GALNTL6: variants seen among roughly 807,000 people sequenced by gnomAD.
GALNTL6 encodes the protein polypeptide N-acetylgalactosaminyltransferase like 6.
GALNTL6 carries 46 observed loss-of-function variants against 73.7 expected under a neutral mutation model. The observed-to-expected ratio is 0.62, with a 90% confidence interval of 0.49 to 0.80. GALNTL6 has a LOEUF of 0.80. Ranked by LOEUF, GALNTL6 falls within the 30% of genes least tolerant of loss-of-function variation. The pLI is 0.00. For synonymous variants in GALNTL6, 259 were observed against 263.7 expected (o/e 0.98, Z 0.17); for missense variants, 604 against 755.0 (o/e 0.80, Z 2.34).
At chr4:172,560,086 G>C (rs1375757395) in intron 5 of GALNTL6, among the ~76,000 whole-genome samples, 1 of 152,124 alleles carries the variant, frequency 6.6e-6, no homozygotes, top group Non-Finnish European at 1.5e-5. Context: ...AGAGAGTGAA[G>C]ATGAAGTCAT....
chr4:172,090,357 C>T (rs1732167208), intron 2 of GALNTL6, among the ~76,000 whole-genome samples: 1 of 152,202 alleles, frequency 6.6e-6, no homozygotes, highest in South Asian at 2.1e-4. Flanking sequence ...TCCTCTCCAG[C>T]ATCTGTTGTT....
chr4:172,810,093 C>T (rs1741204985), intron 6 of GALNTL6, among the ~76,000 whole-genome samples: 3 of 148,652 alleles, frequency 2.0e-5, no homozygotes, highest in South Asian at 4.1e-4. Flanking sequence ...CTTCTGGCAC[C>T]ATCCTATAGC....
chr4:172,602,263 G>T (rs1244844889), intron 5 of GALNTL6, among the ~76,000 whole-genome samples: 1 of 152,080 alleles, frequency 6.6e-6, no homozygotes, highest in Non-Finnish European at 1.5e-5. Flanking sequence ...TACATCTACA[G>T]AAAGAAGTGA....
intron 5 of GALNTL6, among the ~76,000 whole-genome samples, chr4:172,670,405 A>G (rs1041605760): frequency 6.6e-6 from 1 of 152,042 alleles, no homozygotes; most frequent in Non-Finnish European, 1.5e-5. Flanking sequence ...ATGATCAGTA[A>G]TATTGAATTT....
At chr4:172,555,291 C>A (rs1228272047) in intron 5 of GALNTL6, among the ~76,000 whole-genome samples, 1 of 152,092 alleles carries the variant, frequency 6.6e-6, no homozygotes, top group Non-Finnish European at 1.5e-5. Context: ...AATATAAAAT[C>A]TTGTATCTAT....
chr4:172,315,565 T>C (rs987579657), intron 4 of GALNTL6, among the ~76,000 whole-genome samples: 3 of 152,246 alleles, frequency 2.0e-5, no homozygotes, highest in African/African-American at 4.8e-5. Context: ...TTGATTTTTA[T>C]ATATTTTTTG....
intron 5 of GALNTL6, among the ~76,000 whole-genome samples, chr4:172,780,110 T>A (rs1481653302): frequency 6.8e-6 from 1 of 147,110 alleles, no homozygotes; most frequent in African/African-American, 2.6e-5. Flanking sequence ...TCAGGTTTAT[T>A]CTTGGCTTTT....
At chr4:171,916,734 T>G (rs1737643429) in intron 2 of GALNTL6, among the ~76,000 whole-genome samples, 1 of 152,110 alleles carries the variant, frequency 6.6e-6, no homozygotes. Context: ...AAAAGTTTCA[T>G]TTTTATTTTA....
intron 4 of GALNTL6, among the ~76,000 whole-genome samples, chr4:172,342,197 A>G (rs1408188213): frequency 6.6e-6 from 1 of 152,066 alleles, no homozygotes. Context: ...ACATCTCACA[A>G]AAACGTTTGA....
At chr4:172,702,349 A>T (rs988819402) in intron 5 of GALNTL6, among the ~76,000 whole-genome samples, 1 of 151,918 alleles carries the variant, frequency 6.6e-6, no homozygotes, top group Non-Finnish European at 1.5e-5. Flanking sequence ...TATCTCTCAC[A>T]TCTCTTCTCA....
At chr4:172,776,349 G>A (rs1249658693) in intron 5 of GALNTL6, among the ~76,000 whole-genome samples, 1 of 152,128 alleles carries the variant, frequency 6.6e-6, no homozygotes, top group Non-Finnish European at 1.5e-5. Context: ...GTTAATGTAT[G>A]CCAAAAATAG....
At position 172,976,257 on chromosome 4, in the gene GALNTL6, T is replaced by C. The variant is rs539512664; in HGVS notation, c.1371+23999T>C. ...ACTATGTAGCAATCTAAGTTAGTCA[T>C]TAAAAGATCAAAATAATCAGTCATT... On this transcript the variant is annotated intron_variant, in intron 10 of 12. Coordinates refer to ENST00000506823, the MANE Select transcript of GALNTL6 (RefSeq NM_001034845.3). 2.0e-5 allele frequency among the ~76,000 whole-genome samples: 3 copies of C among 152,330 alleles called. No individual in the cohort carries two copies. In the East Asian group the frequency reaches 5.8e-4, roughly 29 times the overall value.
intron 2 of GALNTL6, among the ~76,000 whole-genome samples, chr4:172,021,027 T>G (rs1741382027): frequency 6.6e-6 from 1 of 151,932 alleles, no homozygotes; most frequent in Admixed American, 6.6e-5. Context: ...GTGATACATA[T>G]CAACAGAATG....
chr4:172,139,662 C>T (rs1231980847), intron 2 of GALNTL6, among the ~76,000 whole-genome samples: 2 of 152,150 alleles, frequency 1.3e-5, no homozygotes, highest in Non-Finnish European at 2.9e-5. Context: ...TACTTTCTTC[C>T]AACATACTTG....
At chr4:172,883,590 G>C (rs1426182049) in intron 8 of GALNTL6, among the ~76,000 whole-genome samples, 2 of 152,158 alleles carry the variant, frequency 1.3e-5, no homozygotes, top group Non-Finnish European at 2.9e-5. Context: ...AATTCTTGAG[G>C]AATCCATTCC....
intron 2 of GALNTL6, among the ~76,000 whole-genome samples, chr4:171,986,052 A>AC (rs985961524): frequency 2.0e-5 from 3 of 151,146 alleles, no homozygotes; most frequent in Admixed American, 6.6e-5. Flanking sequence ...AAAAAAAAAA[A>AC]AAAAACACTT....
intron 2 of GALNTL6, among the ~76,000 whole-genome samples, chr4:171,954,603 C>A (rs1428353966): frequency 6.6e-6 from 1 of 152,100 alleles, no homozygotes; most frequent in Non-Finnish European, 1.5e-5. Flanking sequence ...AACAATATTT[C>A]TAAATATTCA....
intron 2 of GALNTL6, among the ~76,000 whole-genome samples, chr4:171,951,854 T>C (rs575950905): frequency 2.0e-5 from 3 of 152,118 alleles, no homozygotes; most frequent in African/African-American, 4.8e-5. Flanking sequence ...GATAAAGCTA[T>C]AGCAATAATT....
intron 2 of GALNTL6, among the ~76,000 whole-genome samples, chr4:172,075,435 C>T (rs995566294): frequency 6.6e-6 from 1 of 151,972 alleles, no homozygotes; most frequent in Non-Finnish European, 1.5e-5. Flanking sequence ...CCTGGGTTTA[C>T]GCCATTTTCC....
Sources: gnomAD v4.1 joint callset for allele counts (sites outside exome capture counted in the v4.1 genomes callset) on GRCh38, gnomAD v4.1.1 for gene constraint, MANE v1.5 for transcripts, NCBI Gene and HGNC (gene_info 2026-07-23, HGNC 2026-07-21) for gene names.